Variants in WWP2 observed in about 807,000 individuals in gnomAD.
The protein encoded by WWP2 is WW domain containing E3 ubiquitin protein ligase 2.
In WWP2, 57 loss-of-function variants were observed where a neutral mutation model predicts 121.0. That is an observed-to-expected ratio of 0.47 (90% confidence interval 0.38 to 0.59). WWP2 has a LOEUF of 0.59. WWP2 is among the 20% of genes least tolerant of loss of function. WWP2 has a pLI of 0.00. For missense variants in WWP2, 962 were observed against 1,158.9 expected (o/e 0.83, Z 2.47); for synonymous variants, 449 against 441.3 (o/e 1.02, Z -0.22).
At chr16:69,890,022 T>C (rs2057997527) in intron 8 of WWP2, among the ~76,000 whole-genome samples, 2 of 152,032 alleles carry the variant, frequency 1.3e-5, no homozygotes, top group Non-Finnish European at 2.9e-5. Flanking sequence ...TAGTACAGTC[T>C]TGGCTCACTG....
chr16:69,771,951 T>TA (rs2055425758), intron 1 of WWP2, among the ~76,000 whole-genome samples: 1 of 131,258 alleles, frequency 7.6e-6, no homozygotes, highest in Non-Finnish European at 1.7e-5. Flanking sequence ...GTCTTTTTAG[T>TA]CTTTTTTTTT....
At chr16:69,788,187 A>AC (rs1218499646) in intron 2 of WWP2, 1 of 150,272 alleles carries the variant, frequency 6.7e-6, no homozygotes, top group Non-Finnish European at 1.5e-5. Context: ...ACAGAGCAAG[A>AC]CCCCCGTCTC....
chr16:69,822,505 A>G (rs558093726), intron 4 of WWP2, among the ~76,000 whole-genome samples: 47 of 152,176 alleles, frequency 3.1e-4, no homozygotes, highest in African/African-American at 1.0e-3. Flanking sequence ...GGAATGCATC[A>G]TGGGAGACTT....
intron 4 of WWP2, among the ~76,000 whole-genome samples, chr16:69,812,297 C>A (rs764355965): frequency 1.3e-5 from 2 of 149,268 alleles, no homozygotes; most frequent in Non-Finnish European, 3.0e-5. Flanking sequence ...TCCTGAGTAG[C>A]TGGGATTACA....
chr16:69,883,421 C>G (rs2057866401), intron 7 of WWP2, among the ~76,000 whole-genome samples: 1 of 151,882 alleles, frequency 6.6e-6, no homozygotes, highest in South Asian at 2.1e-4. Flanking sequence ...CACACACACA[C>G]ACACACTCAT....
chr16:69,883,398 G>GCACACACACACA (rs1025261580), intron 7 of WWP2, among the ~76,000 whole-genome samples: 1 of 96,166 alleles, frequency 1.0e-5, no homozygotes, highest in Non-Finnish European at 2.0e-5. Flanking sequence ...CTAAGAATGT[G>GCACACACACACA]CGCACACACA....
intron 16 of WWP2, among the ~76,000 whole-genome samples, 189 bp from the exon 17 acceptor site, chr16:69,933,781 G>C (rs1043638487): frequency 1.3e-5 from 2 of 152,072 alleles, no homozygotes; most frequent in African/African-American, 4.8e-5. Flanking sequence ...TTCACTGTAG[G>C]TCTGAGCCTG....
intron 4 of WWP2, among the ~76,000 whole-genome samples, chr16:69,834,417 A>T (rs2056840686): frequency 1.3e-5 from 2 of 150,698 alleles, no homozygotes; most frequent in African/African-American, 2.4e-5. Flanking sequence ...TTTCTTCTCT[A>T]CCCCACATCC....
intron 4 of WWP2, among the ~76,000 whole-genome samples, chr16:69,823,343 A>G (rs1203333693): frequency 6.6e-6 from 1 of 152,210 alleles, no homozygotes; most frequent in Non-Finnish European, 1.5e-5. Flanking sequence ...GGCTGCAGGT[A>G]GCTGTGGCCC....
intron 7 of WWP2, among the ~76,000 whole-genome samples, chr16:69,876,389 C>G (rs112059775): frequency 0.073 from 10,685 of 146,554 alleles, 429 homozygotes; most frequent in Middle Eastern, 0.13. Flanking sequence ...TTTTGAGATG[C>G]AGTCTCACTC....
At chr16:69,789,583 C>A (rs994748438) in intron 2 of WWP2, among the ~76,000 whole-genome samples, 2 of 152,116 alleles carry the variant, frequency 1.3e-5, no homozygotes, top group Admixed American at 6.6e-5. Flanking sequence ...TTGGAAAAAA[C>A]CAGTATTGTT....
intron 6 of WWP2, among the ~76,000 whole-genome samples, chr16:69,861,824 C>T (rs1207479954): frequency 6.6e-6 from 1 of 151,964 alleles, no homozygotes; most frequent in Non-Finnish European, 1.5e-5. Context: ...CTTTCTGGTT[C>T]TGTCTTGCTG....
chr16:69,815,950 G>A (rs2056482005), intron 4 of WWP2, among the ~76,000 whole-genome samples: 1 of 152,036 alleles, frequency 6.6e-6, no homozygotes, highest in South Asian at 2.1e-4. Context: ...TAGAGTCAGG[G>A]TCTTACTATG....
At chr16:69,830,692 G>A (rs1160426762) in intron 4 of WWP2, among the ~76,000 whole-genome samples, 1 of 152,208 alleles carries the variant, frequency 6.6e-6, no homozygotes, top group Admixed American at 6.5e-5. Context: ...AGGAATACCA[G>A]TGTTCACTGT....
intron 4 of WWP2, among the ~76,000 whole-genome samples, chr16:69,807,667 G>A (rs548510298): frequency 3.4e-5 from 5 of 148,160 alleles, no homozygotes; most frequent in Admixed American, 2.0e-4. Flanking sequence ...GAAAATGAAA[G>A]GGCAGCCAGG....
At chr16:69,923,291 G>A (rs1382474347) in intron 10 of WWP2, among the ~76,000 whole-genome samples, 3 of 98,398 alleles carry the variant, frequency 3.0e-5, no homozygotes, top group African/African-American at 7.9e-5. Context: ...TCTTCTCCTC[G>A]CTTCTTATAG....
intron 7 of WWP2, among the ~76,000 whole-genome samples, chr16:69,882,409 G>GCCCAATA (rs1326927609): frequency 2.6e-5 from 4 of 151,908 alleles, no homozygotes. Context: ...TCTTTTGCTA[G>GCCCAATA]ATTATTGGGC....
chr16:69,879,993 CT>C (rs113061460), intron 7 of WWP2, among the ~76,000 whole-genome samples: 20 of 149,072 alleles, frequency 1.3e-4, no homozygotes, highest in East Asian at 9.8e-4. Context: ...AAATGAGATA[CT>C]TTTTTTTTTC....
intron 4 of WWP2, among the ~76,000 whole-genome samples, chr16:69,809,012 T>G (rs1223357290): frequency 6.6e-6 from 1 of 152,248 alleles, no homozygotes; most frequent in Admixed American, 6.5e-5. Flanking sequence ...CGTTTGTAAT[T>G]ACTGTTGTGA....
Sources: allele counts gnomAD v4.1 joint callset (sites outside exome capture counted in the v4.1 genomes callset), GRCh38; gene constraint gnomAD v4.1.1; transcripts MANE v1.5; gene names NCBI Gene and HGNC (gene_info 2026-07-23, HGNC 2026-07-21).